Variants in ADAM12 observed in about 807,000 individuals in gnomAD.
The protein encoded by ADAM12 is disintegrin and metalloproteinase domain-containing protein 12.
ADAM12 carries 70 observed loss-of-function variants against 106.4 expected under a neutral mutation model. The ratio of observed to expected loss-of-function variants is 0.66; its 90% CI spans 0.54 to 0.80. ADAM12 has a LOEUF of 0.80. Ranked by LOEUF, ADAM12 falls within the 30% of genes least tolerant of loss-of-function variation. The pLI is 0.00. For missense variants in ADAM12, 1,010 were observed against 1,171.9 expected (o/e 0.86, Z 2.02); for synonymous variants, 420 against 433.5 (o/e 0.97, Z 0.39).
intron 5 of ADAM12, among the ~76,000 whole-genome samples, chr10:126,119,074 G>T (rs1210266645): frequency 6.6e-6 from 1 of 152,060 alleles, no homozygotes; most frequent in Non-Finnish European, 1.5e-5. Context: ...TTAATTTGTG[G>T]GAGATGTGTG....
chr10:126,266,324 G>T (rs1219671655), intron 3 of ADAM12, among the ~76,000 whole-genome samples: 3 of 152,158 alleles, frequency 2.0e-5, no homozygotes, highest in African/African-American at 7.2e-5. Flanking sequence ...GTGGGACGAG[G>T]CAGGGTACTG....
In ADAM12 at chr10:126,062,866, G is replaced by T. The variant is rs981021214; in HGVS notation, c.1609+1940C>A. Among the ~76,000 whole-genome samples the T allele has an allele frequency of 2.6e-5, 4 of 152,210 alleles. No individual in the cohort carries two copies. The South Asian group carries it at 8.3e-4, about 32-fold the overall frequency. ...GCTGATTCTGGAGAAAGGCTGGGAC[G>T]GGGACGGCACTAGGGATGCCTGAAG... On this transcript the variant is annotated intron_variant, in intron 14 of 22. Transcript: ENST00000448723.
intron 2 of ADAM12, among the ~76,000 whole-genome samples, chr10:126,318,428 A>G (rs1160474380): frequency 6.6e-6 from 1 of 152,080 alleles, no homozygotes; most frequent in East Asian, 1.9e-4. Context: ...TCTAACACAC[A>G]GATACACTTT....
intron 3 of ADAM12, among the ~76,000 whole-genome samples, chr10:126,196,698 A>G (rs1046136519): frequency 6.6e-6 from 1 of 152,214 alleles, no homozygotes; most frequent in African/African-American, 2.4e-5. Context: ...GTGCTCAGAA[A>G]TAAATTTGTG....
In ADAM12 at chr10:126,189,379, T is replaced by C. The variant is rs549428595; in HGVS notation, c.261-34074A>G. ...GGAAGGACTGAGGCAAAAGGACCAG[T>C]TGGGGCCAGAATGTGAAGGGCTTCA... On this transcript the variant is annotated intron_variant, in intron 3 of 22. Transcript: ENST00000448723. Among the ~76,000 whole-genome samples the C allele has an allele frequency of 4.6e-5, 7 of 152,230 alleles. No homozygotes were observed. The South Asian group carries it at 6.2e-4, about 14-fold the overall frequency.
At chr10:126,266,595 C>T (rs780388276) in intron 3 of ADAM12, among the ~76,000 whole-genome samples, 5 of 152,128 alleles carry the variant, frequency 3.3e-5, no homozygotes, top group African/African-American at 7.2e-5. Context: ...TGTATTAGTC[C>T]GTTCTCGCAC....
intron 3 of ADAM12, among the ~76,000 whole-genome samples, chr10:126,196,097 A>G (rs1957593495): frequency 6.6e-6 from 1 of 152,228 alleles, no homozygotes; most frequent in African/African-American, 2.4e-5. Flanking sequence ...CAGAGACTGC[A>G]TGGTCTGCAA....
chr10:126,268,734 G>A (rs2133729419), intron 3 of ADAM12, among the ~76,000 whole-genome samples: 1 of 152,276 alleles, frequency 6.6e-6, no homozygotes, highest in Middle Eastern at 3.4e-3. Flanking sequence ...AAGATAACGA[G>A]TTTGAAGTAA....
chr10:126,161,859 T>C (rs1185498656), intron 3 of ADAM12, among the ~76,000 whole-genome samples: 1 of 152,168 alleles, frequency 6.6e-6, no homozygotes, highest in Non-Finnish European at 1.5e-5. Flanking sequence ...AGATGGACTA[T>C]CTTACGTCAG....
chr10:126,048,081 G>A (rs2133433385), intron 16 of ADAM12, among the ~76,000 whole-genome samples: 1 of 152,304 alleles, frequency 6.6e-6, no homozygotes, highest in Non-Finnish European at 1.5e-5. Flanking sequence ...TTATAAGTAG[G>A]AGCTAAATGA....
At chr10:126,184,395 T>A (rs1008042469) in intron 3 of ADAM12, among the ~76,000 whole-genome samples, 1 of 152,336 alleles carries the variant, frequency 6.6e-6, no homozygotes, top group East Asian at 1.9e-4. Flanking sequence ...GAGTGTTACA[T>A]AAAAGTGACC....
chr10:126,245,319 C>A (rs1235942354), intron 3 of ADAM12, among the ~76,000 whole-genome samples: 1 of 152,186 alleles, frequency 6.6e-6, no homozygotes, highest in African/African-American at 2.4e-5. Flanking sequence ...ACACATCCCC[C>A]AGAGACGCTG....
At chr10:126,227,881 G>A (rs534473279) in intron 3 of ADAM12, among the ~76,000 whole-genome samples, 1 of 152,294 alleles carries the variant, frequency 6.6e-6, no homozygotes, top group South Asian at 2.1e-4. Context: ...AGTGAGGAGG[G>A]AGCTGAGTCA....
intron 3 of ADAM12, among the ~76,000 whole-genome samples, chr10:126,169,187 G>A (rs1226193132): frequency 6.6e-6 from 1 of 152,130 alleles, no homozygotes; most frequent in Non-Finnish European, 1.5e-5. Context: ...TCTTATCTTG[G>A]TCTGGAACAT....
intron 3 of ADAM12, among the ~76,000 whole-genome samples, chr10:126,183,518 C>T (rs1290579845): frequency 1.3e-5 from 2 of 152,224 alleles, no homozygotes; most frequent in Admixed American, 6.5e-5. Context: ...CCTGGAAAAG[C>T]AGAACAGGTG....
At chr10:126,035,150 C>CAA (rs1954035997) in intron 21 of ADAM12, among the ~76,000 whole-genome samples, 2 of 152,072 alleles carry the variant, frequency 1.3e-5, no homozygotes, top group South Asian at 2.1e-4. Context: ...TTAGTGTTAG[C>CAA]AAAGTCATGG....
intron 14 of ADAM12, among the ~76,000 whole-genome samples, chr10:126,050,288 A>G (rs1954447039): frequency 6.6e-6 from 1 of 152,174 alleles, no homozygotes; most frequent in Non-Finnish European, 1.5e-5. Flanking sequence ...GTTCCCAGCA[A>G]AGAGGGTCAT....
At chr10:126,243,583 A>G (rs1958573759) in intron 3 of ADAM12, among the ~76,000 whole-genome samples, 1 of 151,884 alleles carries the variant, frequency 6.6e-6, no homozygotes, top group South Asian at 2.1e-4. Context: ...ACAAGTTAAA[A>G]CACTTATGGG....
intron 22 of ADAM12, among the ~76,000 whole-genome samples, chr10:126,019,428 GT>G (rs1187737608): frequency 6.6e-6 from 1 of 152,214 alleles, no homozygotes; most frequent in Admixed American, 6.5e-5. Context: ...GCTTTCTGAG[GT>G]ACTGTAGTTT....
Sources: gnomAD v4.1 joint callset for allele counts (sites outside exome capture counted in the v4.1 genomes callset) on GRCh38, gnomAD v4.1.1 for gene constraint, MANE v1.5 for transcripts, NCBI Gene and HGNC (gene_info 2026-07-23, HGNC 2026-07-21) for gene names.